RHOT2: variants seen among roughly 807,000 people sequenced by gnomAD.
RHOT2 encodes mitochondrial Rho GTPase 2.
RHOT2 carries 90 observed loss-of-function variants against 81.6 expected under a neutral mutation model. That is an observed-to-expected ratio of 1.10 (90% CI 0.93 to 1.31). The LOEUF is 1.31. Ranked by LOEUF, RHOT2 falls within the 40% of genes most tolerant of loss-of-function variation. RHOT2 has a pLI of 0.00. For synonymous variants in RHOT2, 512 were observed against 370.9 expected, an observed-to-expected ratio of 1.38 and a Z score of -4.37; for missense variants, 1,014 against 841.9, an observed-to-expected ratio of 1.20 and a Z score of -2.53.
chr16:670,881 C>G lies in RHOT2; in HGVS notation c.640-11C>G. On this transcript the variant is annotated splice_polypyrimidine_tract_variant and intron_variant, in intron 9 of 18. Coordinates refer to ENST00000315082, the MANE Select transcript of RHOT2 (RefSeq NM_138769.3). ...GCTGGCTGACTCCCAACAACGTTCTCTCGGAAGCAGAAATCCTGCTTTGGG... is the reference window on the plus strand; with the variant it reads ...GCTGGCTGACTCCCAACAACGTTCTGTCGGAAGCAGAAATCCTGCTTTGGG... 6.3e-7 allele frequency: 1 copy of G among 1,580,124 alleles called. No individual in the cohort carries two copies. The highest frequency in any genetic ancestry group is 8.6e-7 in the Non-Finnish European group (1 of 1,158,916).
At chr16:668,303 G>T in intron 1 of RHOT2, 50 bp from the exon 2 acceptor site, 1 of 1,299,060 alleles carries the variant, frequency 7.7e-7, no homozygotes, top group Non-Finnish European at 9.8e-7. Flanking sequence ...CTCGGGGGTC[G>T]GGGGGCGCCG....
In RHOT2 at chr16:672,129, C is replaced by T. The variant is rs760420406; in HGVS notation, c.1143C>T (p.Gly381=). The change falls in exon 14 of 19, where the codon GGC becomes GGT. Residue 381 remains glycine, a synonymous_variant. Coordinates refer to ENST00000315082, the MANE Select transcript of RHOT2 (RefSeq NM_138769.3). The part of the protein sequence containing the change: ...LDVRSCLGHL[G]YLGYPTLCEQ... ...TCCGGAGCTGCCTTGGACACCTAGG[C>T]TACCTGGGCTACCCCACCCTCTGTG... 2.5e-6 allele frequency: 4 copies of T among 1,612,684 alleles called. No individual in the cohort carries two copies. In the East Asian group the frequency reaches 8.9e-5, roughly 36 times the overall value.
Sources: allele counts gnomAD v4.1 joint callset, GRCh38; gene constraint gnomAD v4.1.1; transcripts MANE v1.5; gene names NCBI Gene and HGNC (gene_info 2026-07-23, HGNC 2026-07-21).